LAYN: variants seen among roughly 807,000 people sequenced by gnomAD.
The protein encoded by LAYN is layilin.
LAYN carries 38 observed loss-of-function variants against 43.6 expected under a neutral mutation model. The observed-to-expected ratio is 0.87, with a 90% CI of 0.67 to 1.14. The LOEUF (loss-of-function observed/expected upper bound fraction) is 1.14. Among genes scored for constraint, LAYN ranks in the 50% most tolerant of loss-of-function variants. The pLI is 0.00. For missense variants in LAYN, 479 were observed against 463.8 expected (o/e 1.03, Z -0.30); for synonymous variants, 168 against 172.9 (o/e 0.97, Z 0.22).
In LAYN at chr11:111,540,752, G is replaced by A; in HGVS notation, c.-92G>A. The A allele has an allele frequency of 7.8e-7, 1 of 1,277,452 alleles. No homozygotes were observed. The highest frequency in any genetic ancestry group is 1.1e-6 in the Non-Finnish European group (1 of 952,332). The allele number at this position is 1,277,452 out of a possible 1,614,324, so 79.1% of individuals were successfully genotyped here. A position where few individuals can be genotyped will look rare whatever the true frequency, so the allele number is the denominator to read the frequency against. ...CCGTCGGTGGCCTAGAGATGCTGCT[G>A]CCGCGGTTGCAGTTGTCGCGCACGC... is the stretch of plus-strand genomic sequence containing the variant. On this transcript the variant is annotated 5_prime_UTR_variant, in exon 1 of 7. Coordinates refer to ENST00000375614, the MANE Select transcript of LAYN (RefSeq NM_178834.5).
At chr11:111,541,729 G>T in intron 1 of LAYN, 2 of 749,714 alleles carry the variant, frequency 2.7e-6, no homozygotes, top group African/African-American at 3.5e-5. Flanking sequence ...CTCTACTCTG[G>T]CATCCTGGCT....
chr11:111,540,605 C>T, upstream of LAYN: 1 of 499,250 alleles, frequency 2.0e-6, no homozygotes, highest in South Asian at 2.8e-5. Flanking sequence ...TGGCGCCAAC[C>T]TCGCTGGAGG....
At chr11:111,541,292 C>A in intron 1 of LAYN, 1 of 601,418 alleles carries the variant, frequency 1.7e-6, no homozygotes, top group Non-Finnish European at 3.0e-6. Flanking sequence ...TTGGGACCAC[C>A]CCCGCGGGGC....
chr11:111,554,350 AG>A (rs145898031), intron 3 of LAYN, among the ~76,000 whole-genome samples: 5,086 of 152,288 alleles, frequency 0.033, 279 homozygotes, highest in African/African-American at 0.11. Context: ...AAAACAAAAA[AG>A]CACCAAAATA....
chr11:111,540,708 C>T (rs915156705), upstream of LAYN: 6 of 818,470 alleles, frequency 7.3e-6, no homozygotes, highest in South Asian at 1.0e-4. Flanking sequence ...CGCGCCCTCC[C>T]CCCCGCCTCC....
intron 6 of LAYN, 63 bp downstream of exon 6, chr11:111,557,706 G>T (rs1867872314): frequency 7.4e-7 from 1 of 1,348,608 alleles, no homozygotes; most frequent in Non-Finnish European, 1.1e-6. Context: ...TTTGGATATT[G>T]CCTTGTTTAC....
chr11:111,551,488 A>G (rs2135798366), intron 3 of LAYN: 3 of 453,760 alleles, frequency 6.6e-6, no homozygotes, highest in East Asian at 7.0e-5. Context: ...TTGGCCACCC[A>G]TGCCCAGAAT....
intron 3 of LAYN, 54 bp downstream of exon 3, chr11:111,549,829 A>G: frequency 5.8e-6 from 9 of 1,543,064 alleles, no homozygotes; most frequent in Non-Finnish European, 7.9e-6. Flanking sequence ...CTCTCATTTC[A>G]TGAGCTGCTG....
At chr11:111,555,612 G>A (rs1464841671) in intron 5 of LAYN, among the ~76,000 whole-genome samples, 1 of 152,160 alleles carries the variant, frequency 6.6e-6, no homozygotes, top group Non-Finnish European at 1.5e-5. Context: ...AATAAGAGCA[G>A]AAAGACCCAA....
In LAYN at chr11:111,540,740, A is replaced by T; in HGVS notation, c.-104A>T. ...CTCCCGTGCGGTCCGTCGGTGGCCT[A>T]GAGATGCTGCTGCCGCGGTTGCAGT... is the stretch of plus-strand genomic sequence containing the variant. On this transcript the variant is annotated 5_prime_UTR_variant, in exon 1 of 7. Coordinates refer to ENST00000375614, the MANE Select transcript of LAYN (RefSeq NM_178834.5). 1 of 1,123,484 alleles carries T rather than the reference A, an allele frequency of 8.9e-7. No individual in the cohort carries two copies. Among genetic ancestry groups the T allele is most frequent in the Non-Finnish European group, 1.2e-6 (1 of 818,356 alleles). 69.6% of individuals were successfully genotyped at this position (1,123,484 alleles called of 1,614,324 possible).
intron 3 of LAYN, chr11:111,551,350 G>T (rs1207475297): frequency 2.2e-6 from 1 of 456,294 alleles, no homozygotes; most frequent in South Asian, 1.5e-5. Context: ...AGAGACCAAA[G>T]AACAAGGGAA....
Position 111,560,567 on chromosome 11 carries a change from G to C in LAYN, c.*109G>C, listed in dbSNP as rs1475220074. 1 of 1,260,822 alleles carries C rather than the reference G, an allele frequency of 7.9e-7. No homozygotes were observed. The highest frequency in any genetic ancestry group is 2.5e-5 in the East Asian group (1 of 39,592). The allele number at this position is 1,260,822 out of a possible 1,614,324, so 78.1% of individuals were successfully genotyped here. On this transcript the variant is annotated 3_prime_UTR_variant, in exon 7 of 7. Coordinates refer to ENST00000375614, the MANE Select transcript of LAYN (RefSeq NM_178834.5). Reference sequence around the variant, plus strand: ...AAGGTCTATGAACAAGCTTAGATCAGGTCCTGTGGATGAGCATGTGGTCCC... The same window carrying C: ...AAGGTCTATGAACAAGCTTAGATCACGTCCTGTGGATGAGCATGTGGTCCC...
chr11:111,540,866 AGGCCGTGCTGCT>A lies in LAYN; in HGVS notation c.38_49del (p.Ala13_Leu16del), dbSNP rs1334043942. Reference sequence around the variant, plus strand: ...GCCATGAGGCCGGGAACCGCGCTACAGGCCGTGCTGCTGGCCGTGCTGCTGGTGGGGCTGCGG... The same window carrying A: ...GCCATGAGGCCGGGAACCGCGCTACAGGCCGTGCTGCTGGTGGGGCTGCGG... On this transcript the variant is annotated inframe_deletion, in exon 1 of 7. Coordinates refer to ENST00000375614, the MANE Select transcript of LAYN (RefSeq NM_178834.5). 35 of 1,531,730 alleles carry A rather than the reference AGGCCGTGCTGCT, an allele frequency of 2.3e-5. No homozygotes were observed. Among genetic ancestry groups the A allele is most frequent in the Middle Eastern group, 4.4e-4 (2 of 4,572 alleles). The allele number at this position is 1,531,730 out of a possible 1,614,324, so 94.9% of individuals were successfully genotyped here.
In LAYN at chr11:111,543,906, GCTT is replaced by G; in HGVS notation, c.86-13_86-11del. 6.3e-7 allele frequency: 1 copy of G among 1,591,946 alleles called. No homozygotes were observed. The highest frequency in any genetic ancestry group is 1.2e-5 in the South Asian group (1 of 86,786). ...CTTTTTGAGACACTGAAATAGATTG[GCTT>G]CTTTTTTCTCTAGGGCAGCCAGTCT... On this transcript the variant is annotated splice_polypyrimidine_tract_variant and intron_variant, in intron 1 of 6. Transcript: ENST00000375614.
In LAYN at chr11:111,544,066, G is replaced by T. The variant is rs778151629; in HGVS notation, c.229G>T (p.Asp77Tyr). Residue 77 changes from aspartate (D) to tyrosine (Y), a missense_variant, in exon 2 of 7, where the codon GAT becomes TAT. Asp to Tyr is a radical substitution (Grantham distance 160). Transcript: ENST00000375614. ...GGQLVSIESE[D>Y]EQKLIEKFIE... ...CCAGCTAGTCAGCATCGAGTCTGAA[G>T]ATGAACAGAAACTGATAGAAAAGTT... 1 of 1,614,186 alleles carries T rather than the reference G, an allele frequency of 6.2e-7. No homozygotes were observed. The highest frequency in any genetic ancestry group is 8.5e-7 in the Non-Finnish European group (1 of 1,180,040).
chr11:111,545,744 G>A (rs1255965229), intron 2 of LAYN, among the ~76,000 whole-genome samples: 2 of 152,160 alleles, frequency 1.3e-5, no homozygotes, highest in Non-Finnish European at 2.9e-5. Context: ...AAATTCCTAC[G>A]TGGGTCACTG....
chr11:111,554,561 A>C lies in LAYN; in HGVS notation c.542A>C (p.Glu181Ala). The C allele has an allele frequency of 6.2e-7, 1 of 1,612,322 alleles. No individual in the cohort carries two copies. Residue 181 changes from glutamate (E) to alanine (A), a missense_variant and splice_region_variant, in exon 4 of 7, where the codon GAG becomes GCG. Coordinates refer to ENST00000375614, the MANE Select transcript of LAYN (RefSeq NM_178834.5). ...KNNFICKYSD[E>A]KPAVPSREAE... ...TTGTTTTTGTTTCTTTCTACTACAG[A>C]GAAACCAGCAGTTCCTTCTAGAGAA...
rs201774454 is a variant in LAYN, at chr11:111,558,784, AT to A, written c.761+1142del. On this transcript the variant is annotated intron_variant, in intron 6 of 6. Transcript: ENST00000375614. ...TTTATTTATTATTTTATTTAAAAAAATATATATATATATATATATTTGAGAC... is the reference window on the plus strand; with the variant it reads ...TTTATTTATTATTTTATTTAAAAAAAATATATATATATATATATTTGAGAC... Among the ~76,000 whole-genome samples, 237 of 127,238 alleles carry A rather than the reference AT, an allele frequency of 1.9e-3. 2 individuals carry two copies. Among genetic ancestry groups the A allele is most frequent in the African/African-American group, 8.1e-3 (227 of 27,986 alleles). 83.5% of individuals were successfully genotyped at this position (127,238 alleles called of 152,430 possible). A position where few individuals can be genotyped will look rare whatever the true frequency, so the allele number is the denominator to read the frequency against.
At chr11:111,558,393 A>G (rs1867882286) in intron 6 of LAYN, among the ~76,000 whole-genome samples, 1 of 152,194 alleles carries the variant, frequency 6.6e-6, no homozygotes, top group South Asian at 2.1e-4. Context: ...TGTAAAATCT[A>G]TTTCAGTTAA....
Sources: allele counts gnomAD v4.1 joint callset (sites outside exome capture counted in the v4.1 genomes callset), GRCh38; gene constraint gnomAD v4.1.1; transcripts MANE v1.5; gene names NCBI Gene and HGNC (gene_info 2026-07-23, HGNC 2026-07-21).